The following ZNF432 variants were observed in gnomAD, a reference collection of about 807,000 sequenced individuals.
The protein encoded by ZNF432 is zinc finger protein 432.
ZNF432 carries 10 observed loss-of-function variants against 13.9 expected under a neutral mutation model. That is an observed-to-expected ratio of 0.72 (90% CI 0.44 to 1.22). The LOEUF (loss-of-function observed/expected upper bound fraction) is 1.22. ZNF432 is among the 50% of genes most tolerant of loss of function. The pLI is 0.00. For missense variants in ZNF432, 793 were observed against 796.2 expected (o/e 1.00, Z 0.05); for synonymous variants, 247 against 256.2 (o/e 0.96, Z 0.34).
intron 2 of ZNF432, among the ~76,000 whole-genome samples, chr19:52,041,980 C>A (rs2087140920): frequency 6.6e-6 from 1 of 152,134 alleles, no homozygotes; most frequent in South Asian, 2.1e-4. Flanking sequence ...AGAGAGACTT[C>A]AGATGCTAGA....
chr19:52,041,755 C>CT, intron 2 of ZNF432, 149 bp from the exon 3 acceptor site: 3 of 973,328 alleles, frequency 3.1e-6, no homozygotes, highest in Non-Finnish European at 4.4e-6. Context: ...GCCAGAGAAT[C>CT]TCCAAGTATT....
rs952492320 is a variant in ZNF432, at chr19:52,031,632, A to G, written c.*2088T>C. 1.1e-4 allele frequency: 16 copies of G among 152,256 alleles called. No individual in the cohort carries two copies. Among genetic ancestry groups the G allele is most frequent in the African/African-American group, 3.9e-4 (16 of 41,462 alleles). 9.4% of individuals were successfully genotyped at this position (152,256 alleles called of 1,614,324 possible). A position where few individuals can be genotyped will look rare whatever the true frequency, so the allele number is the denominator to read the frequency against. ...ATTCCATTTTAATAGCATTCTTGAAATAACAAAATTAGGGTAATGGGATCA... is the reference window on the plus strand; with the variant it reads ...ATTCCATTTTAATAGCATTCTTGAAGTAACAAAATTAGGGTAATGGGATCA... On this transcript the variant is annotated 3_prime_UTR_variant, in exon 5 of 5. Coordinates refer to ENST00000221315, the MANE Select transcript of ZNF432 (RefSeq NM_014650.4).
Position 52,035,169 on chromosome 19 carries a change from A to G in ZNF432, c.510T>C (p.Tyr170=). The change falls in exon 5 of 5, where the codon TAT becomes TAC. Residue 170 remains tyrosine (Y), a synonymous_variant. Coordinates refer to ENST00000221315, the MANE Select transcript of ZNF432 (RefSeq NM_014650.4). ...ATTTAGCTGCAGAATAAAGTTCTTC[A>G]TAGTTACCATGAAGAAATGATTTCC... The part of the protein sequence containing the change: ...GDGKSFLHGN[Y]EELYSAAKFS... The G allele has an allele frequency of 6.2e-7, 1 of 1,613,816 alleles. No individual in the cohort carries two copies. The highest frequency in any genetic ancestry group is 8.5e-7 in the Non-Finnish European group (1 of 1,179,966).
chr19:52,034,134 G>C lies in ZNF432; in HGVS notation c.1545C>G (p.Cys515Trp). 6.2e-7 allele frequency: 1 copy of C among 1,613,988 alleles called. No homozygotes were observed. Among genetic ancestry groups the C allele is most frequent in the Non-Finnish European group, 8.5e-7 (1 of 1,179,946 alleles). The change falls in exon 5 of 5, where the codon TGC becomes TGG. Residue 515 changes from cysteine (C) to tryptophan (W), a missense_variant. Physicochemically the swap from Cys to Trp is radical, Grantham distance 215. Transcript: ENST00000221315. ...RTHTGEKPYI[C>W]NECGKGFAFK... ...AGGCAAAACCTTTTCCACATTCATT[G>C]CATATGTACGGTTTCTCTCCAGTAT...
intron 2 of ZNF432, among the ~76,000 whole-genome samples, chr19:52,043,066 G>A (rs1029148811): frequency 2.0e-5 from 3 of 152,168 alleles, no homozygotes; most frequent in Non-Finnish European, 4.4e-5. Context: ...CCACTCTCCT[G>A]TCTCAACATG....
Position 52,035,131 on chromosome 19 carries a change from GTACT to G in ZNF432, c.544_547del (p.Ser182GlnfsTer19). The G allele has an allele frequency of 6.2e-7, 1 of 1,613,964 alleles. No homozygotes were observed. Among genetic ancestry groups the G allele is most frequent in the Non-Finnish European group, 8.5e-7 (1 of 1,180,006 alleles). On this transcript the variant is annotated frameshift_variant, in exon 5 of 5. Transcript: ENST00000221315. LOFTEE classifies it low-confidence loss of function (END_TRUNC). The stretch of plus-strand genomic sequence containing the variant: ...TTGGGATTTAGTGCTATTGGCTTTT[GTACT>G]TACAGAGAATTTAGCTGCAGAATAA...
At position 52,041,550 on chromosome 19, in the gene ZNF432, G is replaced by C. The variant is rs771687329; in HGVS notation, c.72C>G (p.Leu24=). The C allele has an allele frequency of 6.2e-7, 1 of 1,613,368 alleles. No homozygotes were observed. The change falls in exon 3 of 5, where the codon CTC becomes CTG. Residue 24 remains leucine (L), a synonymous_variant. Transcript: ENST00000221315. ...ACAAATCCTTCTGAAAAGGGCCCAG[G>C]AGCTGCCACTCCTCCCAGGTGAACT... The part of the protein sequence containing the change: ...TVEFTWEEWQ[L]LGPFQKDLYR...
intron 3 of ZNF432, among the ~76,000 whole-genome samples, chr19:52,041,088 G>A (rs144450529): frequency 2.6e-3 from 398 of 152,134 alleles, no homozygotes; most frequent in African/African-American, 8.8e-3. Flanking sequence ...GTGAAAGACC[G>A]AGACACTGTC....
Position 52,033,929 on chromosome 19 carries a change from GCT to G in ZNF432, c.1748_1749del (p.Glu583AlafsTer5), listed in dbSNP as rs750083461. On this transcript the variant is annotated frameshift_variant, in exon 5 of 5. Coordinates refer to ENST00000221315, the MANE Select transcript of ZNF432 (RefSeq NM_014650.4). LOFTEE classifies it low-confidence loss of function (END_TRUNC). Reference sequence around the variant, plus strand: ...GTATGAACTTGCTTATGTAAAGCAAGCTCTGTTTCCTTGGCAAAGCCTCTTCC... The same window carrying G: ...GTATGAACTTGCTTATGTAAAGCAAGCTGTTTCCTTGGCAAAGCCTCTTCC... The part of the protein sequence containing the change: ...ECGRGFAKET[E>X]LALHKQVHTG... The G allele has an allele frequency of 1.2e-5, 19 of 1,613,714 alleles. No individual in the cohort carries two copies. Among genetic ancestry groups the G allele is most frequent in the East Asian group, 6.7e-5 (3 of 44,884 alleles).
intron 1 of ZNF432, among the ~76,000 whole-genome samples, chr19:52,048,067 A>T (rs1428902337): frequency 1.3e-5 from 2 of 149,822 alleles, no homozygotes; most frequent in African/African-American, 4.9e-5. Context: ...AGGTACTCGG[A>T]CCTGAAACTT....
rs772344169 is a variant in ZNF432 at position 52,034,367 on chromosome 19, A to C, written c.1312T>G (p.Phe438Val). 1.2e-5 allele frequency: 19 copies of C among 1,613,578 alleles called. No homozygotes were observed. Among genetic ancestry groups the C allele is most frequent in the Non-Finnish European group, 1.2e-5 (14 of 1,179,952 alleles). ...SYLCSECGKG[F>V]TVKSMLIIHQ... is the part of the protein sequence containing the mutation. ...ATGATGAGCATGCTTTTCACAGTAA[A>C]ACCTTTTCCACATTCACTACATAGA... The change falls in exon 5 of 5, where the codon TTT (phenylalanine) becomes GTT (valine). Residue 438 changes from phenylalanine to valine, a missense_variant. Phe to Val is a conservative substitution (Grantham distance 50). Transcript: ENST00000221315.
At chr19:52,048,386 C>A (rs930808014) in intron 1 of ZNF432, among the ~76,000 whole-genome samples, 172 of 152,256 alleles carry the variant, frequency 1.1e-3, no homozygotes, top group African/African-American at 3.9e-3. Flanking sequence ...GCCACCCCAT[C>A]GATTCTCAAT....
intron 3 of ZNF432, among the ~76,000 whole-genome samples, chr19:52,041,184 G>A (rs2087133284): frequency 6.6e-6 from 1 of 152,084 alleles, no homozygotes; most frequent in Non-Finnish European, 1.5e-5. Context: ...TTAAGTATCA[G>A]GCATAATTTG....
rs1387023939 is a variant in ZNF432 at position 52,041,539 on chromosome 19, A to G, written c.83T>C (p.Phe28Ser). The G allele has an allele frequency of 6.2e-7, 1 of 1,612,724 alleles. No individual in the cohort carries two copies. The highest frequency in any genetic ancestry group is 1.1e-5 in the South Asian group (1 of 90,952). ...TWEEWQLLGP[F>S]QKDLYRDVML... ...CACATCCCGGTACAAATCCTTCTGA[A>G]AAGGGCCCAGGAGCTGCCACTCCTC... Residue 28 changes from phenylalanine to serine, a missense_variant, in exon 3 of 5, where the codon TTT becomes TCT. Physicochemically the swap from Phe to Ser is radical, Grantham distance 155. Transcript: ENST00000221315.
chr19:52,044,615 C>A (rs1183589936), intron 2 of ZNF432, among the ~76,000 whole-genome samples: 1 of 152,064 alleles, frequency 6.6e-6, no homozygotes, highest in East Asian at 1.9e-4. Flanking sequence ...CCAAGAAATA[C>A]ACAAGAAGGC....
At chr19:52,044,094 C>A (rs1160272258) in intron 2 of ZNF432, among the ~76,000 whole-genome samples, 1 of 152,092 alleles carries the variant, frequency 6.6e-6, no homozygotes, top group Non-Finnish European at 1.5e-5. Flanking sequence ...GGCAACCCAC[C>A]CCTTCACAAA....
chr19:52,036,180 A>C (rs1338330166), intron 4 of ZNF432, among the ~76,000 whole-genome samples: 2 of 152,212 alleles, frequency 1.3e-5, no homozygotes, highest in Admixed American at 1.3e-4. Flanking sequence ...TCACTCCACT[A>C]GTTATTTGTC....
At position 52,046,841 on chromosome 19, in the gene ZNF432, G is replaced by A; in HGVS notation, c.15+13C>T. 1 of 1,613,452 alleles carries A rather than the reference G, an allele frequency of 6.2e-7. No individual in the cohort carries two copies. The highest frequency in any genetic ancestry group is 8.5e-7 in the Non-Finnish European group (1 of 1,179,628). ...ATGGAATAAAGGAGAGAATAAAATA[G>A]AGAAAAAGTCACCTGGGCATTGATC... On this transcript the variant is annotated intron_variant, in intron 2 of 4. Coordinates refer to ENST00000221315, the MANE Select transcript of ZNF432 (RefSeq NM_014650.4).
intron 2 of ZNF432, 32 bp from the exon 3 acceptor site, chr19:52,041,638 A>C (rs1426275349): frequency 1.2e-6 from 2 of 1,613,648 alleles, no homozygotes; most frequent in East Asian, 4.5e-5. Flanking sequence ...CTTAATAGGA[A>C]GTGTTTCTCT....
Sources: allele counts gnomAD v4.1 joint callset (sites outside exome capture counted in the v4.1 genomes callset), GRCh38; gene constraint gnomAD v4.1.1; transcripts MANE v1.5; gene names NCBI Gene and HGNC (gene_info 2026-07-23, HGNC 2026-07-21).